Variants in PARD3B observed in about 807,000 individuals in gnomAD.
The protein encoded by PARD3B is par-3 family cell polarity regulator beta.
PARD3B carries 103 observed loss-of-function variants against 130.2 expected under a neutral mutation model. That is an observed-to-expected ratio of 0.79 (90% CI 0.67 to 0.93). PARD3B has a LOEUF of 0.93. Ranked by LOEUF, PARD3B falls within the 40% of genes least tolerant of loss-of-function variation. The pLI is 0.00. For missense variants in PARD3B, 1,609 were observed against 1,499.2 expected (o/e 1.07, Z -1.21); for synonymous variants, 583 against 553.2 (o/e 1.05, Z -0.76).
At chr2:205,256,278 C>T (rs2040079411) in intron 16 of PARD3B, among the ~76,000 whole-genome samples, 1 of 151,844 alleles carries the variant, frequency 6.6e-6, no homozygotes, top group South Asian at 2.1e-4. Context: ...GGAAGGAAAA[C>T]TCTTATCTAT....
At position 205,407,233 on chromosome 2, in the gene PARD3B, A is replaced by C. The variant is rs535529064; in HGVS notation, c.2741+6110A>C. On this transcript the variant is annotated intron_variant, in intron 19 of 22. Coordinates refer to ENST00000406610, the MANE Select transcript of PARD3B (RefSeq NM_001302769.2). This position sits in a 1 kb window ranked among gnomAD's most constrained non-coding sequence, Gnocchi z 4.1. The stretch of plus-strand genomic sequence containing the variant: ...CAAGTAAGAGATTTCTCAGCTTATG[A>C]TGTGTCACCTCCTGTTACAAGTCAA... 6.6e-6 allele frequency among the ~76,000 whole-genome samples: 1 copy of C among 152,236 alleles called. No individual in the cohort carries two copies. Among genetic ancestry groups the C allele is most frequent in the East Asian group, 1.9e-4 (1 of 5,170 alleles).
chr2:205,217,891 TATA>T (rs201499482), intron 15 of PARD3B, among the ~76,000 whole-genome samples: 13,344 of 56,818 alleles, frequency 0.23, 1,527 homozygotes, highest in Non-Finnish European at 0.28. Flanking sequence ...TATATATATA[TATA>T]TTTTTTTTTT....
At position 204,555,553 on chromosome 2, in the gene PARD3B, G is replaced by A. The variant is rs116043221; in HGVS notation, c.120+9434G>A. Among the ~76,000 whole-genome samples the A allele has an allele frequency of 5.6e-3, 855 of 152,150 alleles. 4 individuals carry two copies. The highest frequency in any genetic ancestry group is 7.1e-3 in the Non-Finnish European group (481 of 67,988). ...AGCCTGGGCAACAGAGCAAGATGCC[G>A]TCTTAAAAAAAATTTATATCCATGA... On this transcript the variant is annotated intron_variant, in intron 1 of 22. Coordinates refer to ENST00000406610, the MANE Select transcript of PARD3B (RefSeq NM_001302769.2).
At chr2:204,780,355 G>A (rs2041791539) in intron 2 of PARD3B, among the ~76,000 whole-genome samples, 1 of 152,070 alleles carries the variant, frequency 6.6e-6, no homozygotes, top group African/African-American at 2.4e-5. Context: ...TATAGAATTT[G>A]GTTTTAAAGC....
intron 16 of PARD3B, among the ~76,000 whole-genome samples, chr2:205,251,833 C>T (rs2039863066): frequency 6.6e-6 from 1 of 152,080 alleles, no homozygotes; most frequent in Non-Finnish European, 1.5e-5. Flanking sequence ...CAGCATGGTT[C>T]TCTATTTGGA....
chr2:205,156,087 A>C (rs2125706731), intron 10 of PARD3B, among the ~76,000 whole-genome samples: 1 of 152,200 alleles, frequency 6.6e-6, no homozygotes, highest in South Asian at 2.1e-4. Flanking sequence ...CAGCCATAAA[A>C]AATGATGAGT....
intron 2 of PARD3B, among the ~76,000 whole-genome samples, chr2:204,820,031 C>A (rs888440533): frequency 7.4e-5 from 11 of 149,566 alleles, no homozygotes; most frequent in Non-Finnish European, 1.5e-4. Flanking sequence ...GCAAGATCTA[C>A]CTAAAATAAT....
chr2:205,500,679 G>A lies in PARD3B; in HGVS notation c.3180+648G>A, dbSNP rs547288169. Among the ~76,000 whole-genome samples, 125 of 152,264 alleles carry A rather than the reference G, an allele frequency of 8.2e-4. 1 individual carries two copies. The South Asian group carries it at 0.012, about 15-fold the overall frequency. ...CCTACAAGATGTACTTAACTCTTCAGCATCTACAAAAATGCCCAGGAAGAG... is the reference window on the plus strand; with the variant it reads ...CCTACAAGATGTACTTAACTCTTCAACATCTACAAAAATGCCCAGGAAGAG... On this transcript the variant is annotated intron_variant, in intron 21 of 22. Coordinates refer to ENST00000406610, the MANE Select transcript of PARD3B (RefSeq NM_001302769.2).
At chr2:205,552,908 G>A (rs769102768) in intron 21 of PARD3B, among the ~76,000 whole-genome samples, 6 of 152,072 alleles carry the variant, frequency 3.9e-5, no homozygotes, top group Non-Finnish European at 8.8e-5. Context: ...CCATACTAAC[G>A]TTAGCTAGCG....
intron 3 of PARD3B, among the ~76,000 whole-genome samples, chr2:204,995,181 G>A (rs1224273293): frequency 6.6e-6 from 1 of 152,122 alleles, no homozygotes; most frequent in Non-Finnish European, 1.5e-5. Context: ...AGTCTCAATG[G>A]TCTTTACATT....
At chr2:204,643,136 AT>A (rs1478209513) in intron 1 of PARD3B, among the ~76,000 whole-genome samples, 27 of 145,308 alleles carry the variant, frequency 1.9e-4, no homozygotes, top group African/African-American at 6.6e-4. Context: ...AAAAAAAAAA[AT>A]GTTTGGCACC....
At chr2:205,332,339 G>A (rs1050830682) in intron 18 of PARD3B, among the ~76,000 whole-genome samples, 5 of 152,146 alleles carry the variant, frequency 3.3e-5, no homozygotes, top group Non-Finnish European at 5.9e-5. Context: ...TGGACTTGAA[G>A]TTTAAGGAGA....
intron 2 of PARD3B, among the ~76,000 whole-genome samples, chr2:204,700,347 A>G (rs1313082562): frequency 1.3e-5 from 2 of 152,152 alleles, no homozygotes; most frequent in African/African-American, 2.4e-5. Flanking sequence ...ACTCCTAGTT[A>G]TAACTTTATT....
At chr2:205,524,017 G>T (rs2051220511) in intron 21 of PARD3B, among the ~76,000 whole-genome samples, 1 of 151,628 alleles carries the variant, frequency 6.6e-6, no homozygotes. Context: ...TTTTTTTCCT[G>T]AAAATTCTAT....
At chr2:204,547,141 C>T (rs1009977505) in intron 1 of PARD3B, among the ~76,000 whole-genome samples, 2 of 152,086 alleles carry the variant, frequency 1.3e-5, no homozygotes, top group Non-Finnish European at 1.5e-5. Context: ...GATGGAAAAA[C>T]GTAAGTTTTA....
At position 204,553,693 on chromosome 2, in the gene PARD3B, T is replaced by TAC. The variant is rs1367924110; in HGVS notation, c.120+7575_120+7576insCA. On this transcript the variant is annotated intron_variant, in intron 1 of 22. Coordinates refer to ENST00000406610, the MANE Select transcript of PARD3B (RefSeq NM_001302769.2). Reference sequence around the variant, plus strand: ...ATATATATATATATATATATATATATATACACACATATATATAAAGGAATA... The same window carrying TAC: ...ATATATATATATATATATATATATATACATACACACATATATATAAAGGAATA... Among the ~76,000 whole-genome samples the TAC allele has an allele frequency of 3.6e-4, 36 of 100,350 alleles. 1 individual carries two copies. Among genetic ancestry groups the TAC allele is most frequent in the African/African-American group, 1.6e-3 (30 of 18,538 alleles). 65.8% of individuals were successfully genotyped at this position (100,350 alleles called of 152,430 possible).
rs187909859 is a variant in PARD3B at position 204,664,898 on chromosome 2, G to C, written c.121-21283G>C. 4.6e-5 allele frequency among the ~76,000 whole-genome samples: 7 copies of C among 152,212 alleles called. No homozygotes were observed. Among genetic ancestry groups the C allele is most frequent in the East Asian group, 1.9e-4 (1 of 5,170 alleles). ...TTTCATCTCATTCTTTACCATGTTT[G>C]TTGGGCATTAGTTTAAAAGCCTAGC... On this transcript the variant is annotated intron_variant, in intron 1 of 22. Coordinates refer to ENST00000406610, the MANE Select transcript of PARD3B (RefSeq NM_001302769.2). This position sits in a 1 kb window ranked among gnomAD's most constrained non-coding sequence, Gnocchi z 5.2.
chr2:205,615,528 CTA>C lies in PARD3B; in HGVS notation c.3335_3336del (p.Tyr1112LeufsTer144). The C allele has an allele frequency of 6.2e-7, 1 of 1,614,106 alleles. No homozygotes were observed. Among genetic ancestry groups the C allele is most frequent in the Non-Finnish European group, 8.5e-7 (1 of 1,179,974 alleles). ...GGCTCTACAAGGAAAGGGAGCTTCC[CTA>C]TTATCCAGGGGCTCATCCTATGCAC... Reference protein sequence around the residue: ...RGLYKERELPYYPGAHPMHPP... With the variant: ...RGLYKERELPXYPGAHPMHPP... On this transcript the variant is annotated frameshift_variant, in exon 23 of 23. Transcript: ENST00000406610. LOFTEE classifies it high-confidence loss of function.
intron 3 of PARD3B, among the ~76,000 whole-genome samples, chr2:204,990,925 T>C (rs1357784302): frequency 6.6e-6 from 1 of 152,202 alleles, no homozygotes; most frequent in Non-Finnish European, 1.5e-5. Context: ...TTTTCCACCA[T>C]ACACGTGATC....
Sources: allele counts gnomAD v4.1 joint callset (sites outside exome capture counted in the v4.1 genomes callset), GRCh38; gene constraint gnomAD v4.1.1; non-coding constraint Gnocchi (gnomAD v3.1); transcripts MANE v1.5; gene names NCBI Gene and HGNC (gene_info 2026-07-23, HGNC 2026-07-21).